The following CHRNA7 variants were observed in gnomAD, a reference collection of about 807,000 sequenced individuals.
The protein encoded by CHRNA7 is cholinergic receptor nicotinic alpha 7 subunit.
Under a neutral mutation model 48.0 loss-of-function variants are expected in CHRNA7, and 17 were observed. The ratio of observed to expected loss-of-function variants is 0.35; its 90% CI spans 0.24 to 0.53. The LOEUF (loss-of-function observed/expected upper bound fraction) is 0.53, where lower values mean the gene tolerates loss of function less well. Among genes scored for constraint, CHRNA7 ranks in the 20% least tolerant of loss-of-function variants. The probability of loss-of-function intolerance (pLI) is 0.92; values close to 1 mark genes in which losing one functional copy is unlikely to be tolerated. For missense variants in CHRNA7, 155 were observed against 577.7 expected (o/e 0.27, Z 7.50); for synonymous variants, 75 against 242.3 (o/e 0.31, Z 6.41).
At chr15:32,075,615 T>G (rs540167450) in intron 2 of CHRNA7, among the ~76,000 whole-genome samples, 1 of 152,220 alleles carries the variant, frequency 6.6e-6, no homozygotes, top group Non-Finnish European at 1.5e-5. Context: ...CGCTAAAGGT[T>G]TTTCAATGTT....
At chr15:32,135,258 C>T (rs1347336553) in intron 4 of CHRNA7, among the ~76,000 whole-genome samples, 1 of 152,252 alleles carries the variant, frequency 6.6e-6, no homozygotes. Flanking sequence ...AGATTATTTT[C>T]AGAAAACAGG....
intron 4 of CHRNA7, among the ~76,000 whole-genome samples, chr15:32,113,836 A>G (rs1038806974): frequency 2.8e-5 from 4 of 142,380 alleles, no homozygotes; most frequent in Non-Finnish European, 6.1e-5. Flanking sequence ...TGAGCAATGT[A>G]CGAGACCCCC....
chr15:32,088,648 A>G (rs920750290), intron 2 of CHRNA7, among the ~76,000 whole-genome samples: 1 of 152,160 alleles, frequency 6.6e-6, no homozygotes, highest in Non-Finnish European at 1.5e-5. Context: ...GTGGTATTGC[A>G]TTGTTATAAT....
At chr15:32,134,432 T>A (rs1464395947) in intron 4 of CHRNA7, among the ~76,000 whole-genome samples, 1 of 152,170 alleles carries the variant, frequency 6.6e-6, no homozygotes, top group African/African-American at 2.4e-5. Flanking sequence ...CTCCTGGGAT[T>A]CAGGCGTGAG....
At chr15:32,107,136 C>T (rs774084746) in intron 3 of CHRNA7, among the ~76,000 whole-genome samples, 6 of 152,172 alleles carry the variant, frequency 3.9e-5, no homozygotes, top group Admixed American at 2.0e-4. Flanking sequence ...TGACATCAAA[C>T]GTGTGATGAC....
intron 4 of CHRNA7, among the ~76,000 whole-genome samples, chr15:32,137,018 C>A (rs1312803698): frequency 9.8e-6 from 1 of 102,090 alleles, no homozygotes. Flanking sequence ...GGCGACAGAG[C>A]GAGACTCCGT....
chr15:32,098,073 G>A (rs1486755660), intron 2 of CHRNA7, among the ~76,000 whole-genome samples: 2 of 152,204 alleles, frequency 1.3e-5, no homozygotes, highest in South Asian at 2.1e-4. Flanking sequence ...AATTCCATCT[G>A]GGGACTTTCC....
intron 2 of CHRNA7, among the ~76,000 whole-genome samples, chr15:32,042,027 GTGTTTTTTGTT>G (rs1277040670): frequency 3.9e-5 from 6 of 152,082 alleles, no homozygotes; most frequent in African/African-American, 1.4e-4. Context: ...TCTTCAAATT[GTGTTTTTTGTT>G]TGTTTTTTGC....
chr15:32,075,146 T>C (rs1456253398), intron 2 of CHRNA7, among the ~76,000 whole-genome samples: 1 of 152,230 alleles, frequency 6.6e-6, no homozygotes, highest in African/African-American at 2.4e-5. Context: ...TGGATTTTTG[T>C]GTCTATGAGA....
intron 2 of CHRNA7, among the ~76,000 whole-genome samples, chr15:32,033,125 C>T (rs1055570418): frequency 1.3e-5 from 2 of 152,134 alleles, no homozygotes; most frequent in African/African-American, 4.8e-5. Context: ...TATCTCTCAC[C>T]TTAGCCGTGG....
chr15:32,078,933 C>A (rs1343055934), intron 2 of CHRNA7, among the ~76,000 whole-genome samples: 1 of 152,182 alleles, frequency 6.6e-6, no homozygotes, highest in Non-Finnish European at 1.5e-5. Context: ...TCCAGCAGCA[C>A]ATCACAAAGC....
At position 32,102,699 on chromosome 15, in the gene CHRNA7, G is replaced by A. The variant is rs115981269; in HGVS notation, c.240+1352G>A. The A allele has an allele frequency of 7.5e-3, 1,145 of 152,232 alleles. 15 individuals are homozygous for A. The highest frequency in any genetic ancestry group is 0.026 in the African/African-American group (1,080 of 41,522). 9.4% of individuals were successfully genotyped at this position (152,232 alleles called of 1,614,324 possible). On this transcript the variant is annotated intron_variant, in intron 3 of 9. Transcript: ENST00000306901. ...TAAATTAGTTCATGTATCCACAGAT[G>A]ACTTTTTATTACTTGAATGGAGAGA...
Position 32,147,102 on chromosome 15 carries a change from A to G in CHRNA7, c.351-6805A>G, listed in dbSNP as rs186596997. Among the ~76,000 whole-genome samples, 19 of 152,342 alleles carry G rather than the reference A, an allele frequency of 1.2e-4. No homozygotes were observed. In the East Asian group the frequency reaches 3.5e-3, roughly 28 times the overall value. ...TTATAGCTTTGCTGTAATCCGTCCT[A>G]TGCCATATCCAGTTGTTATAATATC... is the stretch of plus-strand genomic sequence containing the variant. On this transcript the variant is annotated intron_variant, in intron 4 of 9. Coordinates refer to ENST00000306901, the MANE Select transcript of CHRNA7 (RefSeq NM_000746.6).
intron 2 of CHRNA7, among the ~76,000 whole-genome samples, chr15:32,059,987 A>G (rs2049853219): frequency 7.3e-6 from 1 of 137,820 alleles, no homozygotes; most frequent in South Asian, 2.5e-4. Flanking sequence ...GTTTTCATGT[A>G]TGCAAGGATT....
At chr15:32,112,484 A>G in intron 4 of CHRNA7, 1 of 383,442 alleles carries the variant, frequency 2.6e-6, no homozygotes, top group Non-Finnish European at 5.3e-6. Flanking sequence ...GTAAACCAAG[A>G]CAGTCTGACT....
At position 32,114,079 on chromosome 15, in the gene CHRNA7, C is replaced by T. The variant is rs11638465; in HGVS notation, c.350+2180C>T. ...ATATATACATATATATATATATACA[C>T]ATACATACATACACACACACATATA... On this transcript the variant is annotated intron_variant, in intron 4 of 9. Transcript: ENST00000306901. Among the ~76,000 whole-genome samples, 573 of 112,374 alleles carry T rather than the reference C, an allele frequency of 5.1e-3. 5 individuals carry two copies. The highest frequency in any genetic ancestry group is 0.014 in the African/African-American group (427 of 31,164). The allele number at this position is 112,374 out of a possible 152,430, so 73.7% of individuals were successfully genotyped here.
At chr15:32,124,303 T>A (rs1258651744) in intron 4 of CHRNA7, among the ~76,000 whole-genome samples, 1 of 152,116 alleles carries the variant, frequency 6.6e-6, no homozygotes, top group East Asian at 1.9e-4. Context: ...AAATGAATAT[T>A]TTATATTGAT....
At chr15:32,101,451 G>GAA (rs112499091) in intron 3 of CHRNA7, 104 bp downstream of exon 3, 26 of 1,085,322 alleles carry the variant, frequency 2.4e-5, no homozygotes, top group East Asian at 5.7e-5. Context: ...TCCTGTTTAG[G>GAA]AAAAAAAACC....
At chr15:32,119,826 G>A (rs980612122) in intron 4 of CHRNA7, among the ~76,000 whole-genome samples, 3 of 152,114 alleles carry the variant, frequency 2.0e-5, no homozygotes, top group Admixed American at 6.5e-5. Flanking sequence ...GCAAGTGCGT[G>A]TGTGTCCTTA....
Sources: allele counts gnomAD v4.1 joint callset (sites outside exome capture counted in the v4.1 genomes callset), GRCh38; gene constraint gnomAD v4.1.1; transcripts MANE v1.5; gene names NCBI Gene and HGNC (gene_info 2026-07-23, HGNC 2026-07-21).